The following IGSF10 variants were observed in gnomAD, a reference collection of about 807,000 sequenced individuals.
IGSF10 encodes calvaria mechanical force protein 608.
IGSF10 carries 126 observed loss-of-function variants against 128.2 expected under a neutral mutation model. The observed-to-expected ratio is 0.98, with a 90% confidence interval of 0.85 to 1.14. IGSF10 has a LOEUF of 1.14. Ranked by LOEUF, IGSF10 falls within the 50% of genes most tolerant of loss-of-function variation. The probability of loss-of-function intolerance (pLI) is 0.00; values close to 1 mark genes in which losing one functional copy is unlikely to be tolerated. For missense variants in IGSF10, 3,295 were observed against 3,149.8 expected, an observed-to-expected ratio of 1.05 and a Z score of -1.10; for synonymous variants, 1,185 against 1,146.2, an observed-to-expected ratio of 1.03 and a Z score of -0.68.
the IGSF10 span, among the ~76,000 whole-genome samples, chr3:151,484,333 C>A: frequency 1.1e-4 from 16 of 152,290 alleles, no homozygotes; most frequent in South Asian, 3.3e-3. Context: ...CCCCACCTCC[C>A]TGGGACACAG....
the IGSF10 span, among the ~76,000 whole-genome samples, chr3:151,517,405 C>T: frequency 6.6e-6 from 1 of 151,984 alleles, no homozygotes; most frequent in Non-Finnish European, 1.5e-5. Context: ...GGAGGGTACT[C>T]CAAACTCTTG....
At chr3:151,588,136 G>A in the IGSF10 span, among the ~76,000 whole-genome samples, 2 of 152,184 alleles carry the variant, frequency 1.3e-5, no homozygotes, top group Admixed American at 6.5e-5. Context: ...AGGATTTGGG[G>A]CTTCAAATAA....
chr3:151,570,295 C>T, the IGSF10 span, among the ~76,000 whole-genome samples: 2 of 151,948 alleles, frequency 1.3e-5, no homozygotes, highest in African/African-American at 2.4e-5. Context: ...TTCTAGATCC[C>T]TGAGGAATCG....
the IGSF10 span, among the ~76,000 whole-genome samples, chr3:151,491,255 GATAAATTTCTAGGAAA>G: frequency 6.6e-6 from 1 of 152,124 alleles, no homozygotes; most frequent in East Asian, 1.9e-4. Context: ...AGAGCAAATT[GATAAATTTCTAGGAAA>G]ATATAACTTG....
At chr3:151,600,165 T>G in the IGSF10 span, among the ~76,000 whole-genome samples, 7 of 152,338 alleles carry the variant, frequency 4.6e-5, no homozygotes, top group African/African-American at 1.4e-4. Flanking sequence ...TCATTCATAT[T>G]GGCATTTTTT....
chr3:151,566,826 G>T, the IGSF10 span, among the ~76,000 whole-genome samples: 14 of 152,206 alleles, frequency 9.2e-5, no homozygotes, highest in Admixed American at 2.0e-4. Flanking sequence ...ATGTCAAGAA[G>T]AATTATATTT....
the IGSF10 span, among the ~76,000 whole-genome samples, chr3:151,501,830 TATC>T: frequency 1.1e-4 from 17 of 152,250 alleles, no homozygotes; most frequent in Middle Eastern, 6.8e-3. Flanking sequence ...GTTTATACAA[TATC>T]AACATTGTTT....
chr3:151,508,157 T>A, the IGSF10 span, among the ~76,000 whole-genome samples: 2 of 152,016 alleles, frequency 1.3e-5, no homozygotes, highest in African/African-American at 2.4e-5. Context: ...GATGAGGAAG[T>A]TATAAAGGCA....
rs558135101 is a variant in IGSF10, at chr3:151,455,116, G to GT, written c.325-1343dup. Reference sequence around the variant, plus strand: ...AAATAAAGTTTCTTTTTTGCGTTTTGTTTTTTTTTTTGAGATGGAGTTTCA... The same window carrying GT: ...AAATAAAGTTTCTTTTTTGCGTTTTGTTTTTTTTTTTTGAGATGGAGTTTCA... On this transcript the variant is annotated intron_variant, in intron 4 of 7. Coordinates refer to ENST00000282466, the MANE Select transcript of IGSF10 (RefSeq NM_178822.5). Among the ~76,000 whole-genome samples the GT allele has an allele frequency of 5.8e-3, 839 of 144,444 alleles. 1 individual carries two copies. Among genetic ancestry groups the GT allele is most frequent in the Middle Eastern group, 0.018 (5 of 282 alleles). The allele number at this position is 144,444 out of a possible 152,430, so 94.8% of individuals were successfully genotyped here.
At chr3:151,533,413 G>C in the IGSF10 span, among the ~76,000 whole-genome samples, 1 of 152,130 alleles carries the variant, frequency 6.6e-6, no homozygotes, top group Non-Finnish European at 1.5e-5. Context: ...ATGCTACAAG[G>C]CTACAGTAAC....
chr3:151,438,722 G>A lies in IGSF10; in HGVS notation c.5964-125C>T, dbSNP rs912812580. On this transcript the variant is annotated intron_variant, in intron 7 of 7. Transcript: ENST00000282466. ...TGACCAATGAAAATTGTGTATCTTTGAGGTGTAGAACATGACATTTTGAGA... is the reference window on the plus strand; with the variant it reads ...TGACCAATGAAAATTGTGTATCTTTAAGGTGTAGAACATGACATTTTGAGA... 24 of 664,996 alleles carry A rather than the reference G, an allele frequency of 3.6e-5. No individual in the cohort carries two copies. The African/African-American group carries it at 4.2e-4, about 12-fold the overall frequency. 41.2% of individuals were successfully genotyped at this position (664,996 alleles called of 1,614,324 possible).
chr3:151,457,296 T>C (rs1721842507), intron 3 of IGSF10, 141 bp from the exon 4 acceptor site: 2 of 799,720 alleles, frequency 2.5e-6, no homozygotes, highest in Non-Finnish European at 3.8e-6. Context: ...CTTCAAAAAC[T>C]GAAATTCACC....
chr3:151,561,764 A>G, the IGSF10 span, among the ~76,000 whole-genome samples: 1 of 152,174 alleles, frequency 6.6e-6, no homozygotes, highest in Non-Finnish European at 1.5e-5. Flanking sequence ...TATCTCTGGT[A>G]ACCTGGGGAA....
chr3:151,605,153 C>CT, the IGSF10 span, among the ~76,000 whole-genome samples: 6 of 152,298 alleles, frequency 3.9e-5, no homozygotes, highest in African/African-American at 1.4e-4. Context: ...AAGAGTGTTA[C>CT]TTTATTTGAC....
chr3:151,446,142 G>C lies in IGSF10; in HGVS notation c.3839C>G (p.Pro1280Arg). ...AHHTTTKTHN[P>R]GSLPTKKELP... ...CTCCTTCTTTGTTGGAAGACTTCCA[G>C]GATTGTGTGTTTTGGTCGTAGTGTG... Residue 1280 changes from proline to arginine, a missense_variant, in exon 6 of 8, where the codon CCT becomes CGT. By Grantham distance (103) the Pro-to-Arg change is moderately radical (BLOSUM62 -2). Coordinates refer to ENST00000282466, the MANE Select transcript of IGSF10 (RefSeq NM_178822.5). 1 of 1,614,204 alleles carries C rather than the reference G, an allele frequency of 6.2e-7. No individual in the cohort carries two copies.
the IGSF10 span, among the ~76,000 whole-genome samples, chr3:151,520,954 A>C: frequency 6.6e-6 from 1 of 151,730 alleles, no homozygotes; most frequent in Non-Finnish European, 1.5e-5. Flanking sequence ...GATTAAAAAA[A>C]AAGCAATATC....
the IGSF10 span, among the ~76,000 whole-genome samples, chr3:151,558,005 A>AATATATATATAATAT: frequency 5.1e-5 from 2 of 39,554 alleles, 1 homozygote; most frequent in African/African-American, 2.4e-4. Context: ...AAGTATATAT[A>AATATATATATAATAT]ATATATATAT....
the IGSF10 span, among the ~76,000 whole-genome samples, chr3:151,502,955 T>C: frequency 6.6e-6 from 1 of 152,138 alleles, no homozygotes; most frequent in Non-Finnish European, 1.5e-5. Context: ...AAGGGCCTTC[T>C]CTACTTGAAG....
At chr3:151,609,627 G>A in the IGSF10 span, among the ~76,000 whole-genome samples, 423 of 152,074 alleles carry the variant, frequency 2.8e-3, 2 homozygotes, top group African/African-American at 9.4e-3. Context: ...AAGAAAATGT[G>A]GTACATATAC....
Sources: allele counts gnomAD v4.1 joint callset (sites outside exome capture counted in the v4.1 genomes callset), GRCh38; gene constraint gnomAD v4.1.1; transcripts MANE v1.5; gene names NCBI Gene and HGNC (gene_info 2026-07-23, HGNC 2026-07-21).